Variants in STARD13 observed in about 807,000 individuals in gnomAD.
The protein encoded by STARD13 is stAR-related lipid transfer protein 13.
A neutral mutation model predicts 106.4 loss-of-function variants in STARD13; 62 were observed. The observed-to-expected ratio is 0.58, with a 90% confidence interval of 0.48 to 0.72. The LOEUF (loss-of-function observed/expected upper bound fraction) is 0.72. Ranked by LOEUF, STARD13 falls within the 30% of genes least tolerant of loss-of-function variation. The probability of loss-of-function intolerance (pLI) is 0.00; values close to 1 mark genes in which losing one functional copy is unlikely to be tolerated. For synonymous variants in STARD13, 565 were observed against 553.0 expected, an observed-to-expected ratio of 1.02 and a Z score of -0.31; for missense variants, 1,387 against 1,424.0, an observed-to-expected ratio of 0.97 and a Z score of 0.42.
At chr13:33,671,857 C>T in the STARD13 span, among the ~76,000 whole-genome samples, 1 of 152,158 alleles carries the variant, frequency 6.6e-6, no homozygotes, top group Non-Finnish European at 1.5e-5. Flanking sequence ...ACCACTCTAT[C>T]AATTTCAAAT....
chr13:33,479,862 C>T, the STARD13 span, among the ~76,000 whole-genome samples: 1 of 152,168 alleles, frequency 6.6e-6, no homozygotes, highest in Non-Finnish European at 1.5e-5. Context: ...GCCTGCTCCC[C>T]CTTCTCCTTC....
At chr13:33,163,216 C>A (rs576694662) in intron 3 of STARD13, among the ~76,000 whole-genome samples, 36 of 152,154 alleles carry the variant, frequency 2.4e-4, no homozygotes, top group African/African-American at 7.5e-4. Flanking sequence ...TGGGTCCCTC[C>A]CATAACATGT....
At chr13:33,221,658 C>T (rs989996517) in intron 1 of STARD13, among the ~76,000 whole-genome samples, 12 of 152,098 alleles carry the variant, frequency 7.9e-5, no homozygotes, top group African/African-American at 2.9e-4. Context: ...ACTTGTGGAT[C>T]CCAGTGCAAA....
the STARD13 span, among the ~76,000 whole-genome samples, chr13:33,574,527 G>C: frequency 2.0e-5 from 3 of 152,158 alleles, no homozygotes; most frequent in African/African-American, 4.8e-5. Flanking sequence ...CTTGAGCCCA[G>C]GAGTTCGAGA....
At chr13:33,309,728 AGACTG>A (rs1240603530) in intron 1 of STARD13, among the ~76,000 whole-genome samples, 3 of 152,220 alleles carry the variant, frequency 2.0e-5, no homozygotes, top group African/African-American at 7.2e-5. Context: ...AACGTTTCTT[AGACTG>A]CACATAATAT....
the STARD13 span, among the ~76,000 whole-genome samples, chr13:33,622,524 A>G: frequency 6.8e-6 from 1 of 147,470 alleles, no homozygotes; most frequent in South Asian, 2.2e-4. Flanking sequence ...CTGTAGTCCC[A>G]GCTACTAGGG....
the STARD13 span, among the ~76,000 whole-genome samples, chr13:33,593,429 C>T: frequency 2.1e-3 from 318 of 152,218 alleles, 1 homozygote; most frequent in African/African-American, 7.2e-3. Flanking sequence ...AGGTGATCCC[C>T]GCCTTGGCCT....
At chr13:33,511,272 C>T in the STARD13 span, 1 of 151,552 alleles carries the variant, frequency 6.6e-6, no homozygotes. Flanking sequence ...AAGATCACAC[C>T]ACTGTACTCC....
At chr13:33,525,122 A>G in the STARD13 span, among the ~76,000 whole-genome samples, 20 of 152,038 alleles carry the variant, frequency 1.3e-4, no homozygotes, top group African/African-American at 4.8e-4. Flanking sequence ...CCCAGGCTAA[A>G]GCAATCCTCC....
the STARD13 span, among the ~76,000 whole-genome samples, chr13:33,394,400 C>T: frequency 2.0e-5 from 3 of 152,138 alleles, no homozygotes; most frequent in African/African-American, 7.2e-5. Context: ...ACTTCAAATA[C>T]TCAATGACCC....
intron 1 of STARD13, among the ~76,000 whole-genome samples, chr13:33,338,296 G>A (rs183394727): frequency 3.6e-4 from 55 of 152,168 alleles, no homozygotes; most frequent in Non-Finnish European, 2.5e-4. Context: ...CTAGTTTTAC[G>A]GACTCATTGA....
the STARD13 span, among the ~76,000 whole-genome samples, chr13:33,495,937 AATT>A: frequency 7.0e-6 from 1 of 143,564 alleles, no homozygotes; most frequent in South Asian, 2.1e-4. Context: ...TATTGTATAT[AATT>A]ATATTATTTA....
the STARD13 span, chr13:33,511,235 C>G: frequency 6.6e-6 from 1 of 152,092 alleles, no homozygotes; most frequent in African/African-American, 2.4e-5. Context: ...ATTGCTTGAA[C>G]CTGGGGGGTG....
At chr13:33,132,210 G>T (rs1484460154) in intron 4 of STARD13, among the ~76,000 whole-genome samples, 1 of 152,208 alleles carries the variant, frequency 6.6e-6, no homozygotes, top group Non-Finnish European at 1.5e-5. Flanking sequence ...AGGTGCGGTG[G>T]CTGATACGGT....
chr13:33,306,848 G>T (rs960353012), intron 1 of STARD13, among the ~76,000 whole-genome samples: 3 of 152,144 alleles, frequency 2.0e-5, no homozygotes, highest in African/African-American at 7.2e-5. Context: ...TACTCGGGAG[G>T]CTGAGGCAGG....
chr13:33,265,014 C>T (rs1396937027), intron 1 of STARD13, among the ~76,000 whole-genome samples: 2 of 152,148 alleles, frequency 1.3e-5, no homozygotes, highest in African/African-American at 4.8e-5. Context: ...TGCAGGGGTG[C>T]TAATGAGCAC....
exon 2 of STARD13, chr13:33,348,841 A>C: frequency 2.1e-5 from 7 of 326,314 alleles, no homozygotes; most frequent in Non-Finnish European, 2.4e-5. Context: ...GGTGCACACT[A>C]AATGTGGCCA....
chr13:33,350,866 A>G (rs1350627985), upstream of STARD13, among the ~76,000 whole-genome samples: 1 of 152,080 alleles, frequency 6.6e-6, no homozygotes, highest in African/African-American at 2.4e-5. Flanking sequence ...TTACCCAGAA[A>G]TCAGGGGCTG....
the STARD13 span, among the ~76,000 whole-genome samples, chr13:33,359,305 C>T: frequency 3.3e-5 from 5 of 151,944 alleles, no homozygotes; most frequent in East Asian, 1.9e-4. Flanking sequence ...CAACTCCAGA[C>T]GCGCTGCCTT....
Sources: allele counts gnomAD v4.1 joint callset (sites outside exome capture counted in the v4.1 genomes callset), GRCh38; gene constraint gnomAD v4.1.1; transcripts MANE v1.5; gene names NCBI Gene and HGNC (gene_info 2026-07-23, HGNC 2026-07-21).